The following AFAP1L1 variants were observed in gnomAD, a reference collection of about 807,000 sequenced individuals.
AFAP1L1 encodes actin filament-associated protein 1-like 1.
In AFAP1L1, 77 loss-of-function variants were observed where a neutral mutation model predicts 99.8. The ratio of observed to expected loss-of-function variants is 0.77; its 90% CI spans 0.64 to 0.93. AFAP1L1 has a LOEUF of 0.93. Ranked by LOEUF, AFAP1L1 falls within the 40% of genes least tolerant of loss-of-function variation. AFAP1L1 has a pLI of 0.00. For synonymous variants in AFAP1L1, 373 were observed against 395.3 expected (o/e 0.94, Z 0.67); for missense variants, 893 against 996.8 (o/e 0.90, Z 1.40).
chr5:149,312,862 C>G (rs1756679758), intron 9 of AFAP1L1, among the ~76,000 whole-genome samples: 1 of 149,492 alleles, frequency 6.7e-6, no homozygotes, highest in Non-Finnish European at 1.5e-5. Context: ...CGCAGTGGCT[C>G]ACGCCTGTAA....
intron 3 of AFAP1L1, 68 bp downstream of exon 3, chr5:149,300,422 C>G: frequency 1.4e-6 from 2 of 1,413,720 alleles, no homozygotes; most frequent in Non-Finnish European, 2.0e-6. Context: ...AGAAGGGTCC[C>G]CCGACTGGGC....
intron 1 of AFAP1L1, 135 bp from the exon 2 acceptor site, chr5:149,299,374 C>T: frequency 8.4e-7 from 1 of 1,186,252 alleles, no homozygotes. Flanking sequence ...CAGCTGAGAG[C>T]CCCCAGGTCC....
At chr5:149,306,721 G>A (rs780835501) in intron 6 of AFAP1L1, among the ~76,000 whole-genome samples, 4 of 152,176 alleles carry the variant, frequency 2.6e-5, no homozygotes, top group East Asian at 1.9e-4. Context: ...TGAAAATAAC[G>A]AGAGACAACA....
chr5:149,335,008 G>T (rs1757363284), intron 17 of AFAP1L1, among the ~76,000 whole-genome samples: 1 of 152,136 alleles, frequency 6.6e-6, no homozygotes, highest in South Asian at 2.1e-4. Context: ...CCTATAAAAT[G>T]GAATGACTAA....
At position 149,315,816 on chromosome 5, in the gene AFAP1L1, C is replaced by T. The variant is rs1430960112; in HGVS notation, c.1021-5C>T. 6.2e-7 allele frequency: 1 copy of T among 1,613,730 alleles called. No homozygotes were observed. The highest frequency in any genetic ancestry group is 1.1e-5 in the South Asian group (1 of 91,052). ...TGATGAGGGACTGCCTGTGTCCCTC[C>T]TCAGAGGCTGTCCCAAGAGAAGCAG... On this transcript the variant is annotated splice_region_variant and splice_polypyrimidine_tract_variant and intron_variant, in intron 9 of 18. Transcript: ENST00000296721.
At position 149,332,845 on chromosome 5, in the gene AFAP1L1, T is replaced by C; in HGVS notation, c.2126T>C (p.Leu709Pro). ...QSLAGGPALG[L>P]SVSSKPKSGE... ...CTGGCAGGAGGGCCAGCCCTGGGGC[T>C]CTCCGTGAGCAGCAAGCCCAAGAGT... The change falls in exon 17 of 19, where the codon CTC becomes CCC. Residue 709 changes from leucine to proline, a missense_variant. Physicochemically the swap from Leu to Pro is moderately conservative, Grantham distance 98 (BLOSUM62 -3). Transcript: ENST00000296721. 1 of 1,607,074 alleles carries C rather than the reference T, an allele frequency of 6.2e-7. No homozygotes were observed. Among genetic ancestry groups the C allele is most frequent in the South Asian group, 1.1e-5 (1 of 90,302 alleles).
chr5:149,314,388 G>A lies in AFAP1L1; in HGVS notation c.1021-1433G>A, dbSNP rs142863028. ...GCTTGCAGAGTTGAGCTTTCCTGTG[G>A]CTGAGCATCCACAGGGAGGGTAACT... On this transcript the variant is annotated intron_variant, in intron 9 of 18. Transcript: ENST00000296721. 1.5e-3 allele frequency among the ~76,000 whole-genome samples: 224 copies of A among 152,324 alleles called. 1 individual carries two copies. Among genetic ancestry groups the A allele is most frequent in the African/African-American group, 5.2e-3 (216 of 41,568 alleles).
intron 17 of AFAP1L1, 90 bp downstream of exon 17, chr5:149,332,963 T>C (rs1757300373): frequency 7.7e-6 from 11 of 1,421,528 alleles, no homozygotes; most frequent in Non-Finnish European, 1.0e-5. Context: ...TCTTTGGAGG[T>C]AGGGGTTATG....
intron 17 of AFAP1L1, among the ~76,000 whole-genome samples, chr5:149,333,423 TC>T (rs1757313478): frequency 6.6e-6 from 1 of 152,160 alleles, no homozygotes; most frequent in South Asian, 2.1e-4. Context: ...AAACCCTGTC[TC>T]TACAAAAAAT....
intron 7 of AFAP1L1, 130 bp from the exon 8 acceptor site, chr5:149,309,826 G>A (rs1275461069): frequency 1.8e-6 from 2 of 1,125,392 alleles, no homozygotes; most frequent in Admixed American, 2.1e-5. Flanking sequence ...CTCACACAGT[G>A]CCCATGGCTA....
chr5:149,320,511 A>G lies in AFAP1L1; in HGVS notation c.1698+48A>G. 1 of 1,540,052 alleles carries G rather than the reference A, an allele frequency of 6.5e-7. No individual in the cohort carries two copies. The highest frequency in any genetic ancestry group is 1.1e-5 in the South Asian group (1 of 89,544). ...AGGAATGTGGCAAAGGCCACTTATT[A>G]GCTCTCCCTCTTTCTGCTCCCTTTA... On this transcript the variant is annotated intron_variant, in intron 14 of 18. Transcript: ENST00000296721. This position sits in a 1 kb window ranked among gnomAD's most constrained non-coding sequence, Gnocchi z 4.0.
rs1756793283 is a variant in AFAP1L1 at position 149,316,249 on chromosome 5, A to T, written c.1213A>T (p.Thr405Ser). 1.2e-6 allele frequency: 2 copies of T among 1,613,930 alleles called. No individual in the cohort carries two copies. The highest frequency in any genetic ancestry group is 1.3e-5 in the African/African-American group (1 of 74,906). Residue 405 changes from threonine to serine, a missense_variant, in exon 11 of 19, where the codon ACA becomes TCA. Coordinates refer to ENST00000296721, the MANE Select transcript of AFAP1L1 (RefSeq NM_152406.4). Reference protein sequence around the residue: ...TRIIGFSKKKTLADDLQTSST... With the variant: ...TRIIGFSKKKSLADDLQTSST... ...TATCATTGGCTTCTCCAAGAAGAAG[A>T]CACTGGCCGATGACCTGCAGACGTC...
chr5:149,300,675 C>T (rs949836289), intron 3 of AFAP1L1, among the ~76,000 whole-genome samples: 6 of 152,232 alleles, frequency 3.9e-5, no homozygotes, highest in Non-Finnish European at 8.8e-5. Flanking sequence ...TGCAGTGGCT[C>T]AGCAGAAATG....
At chr5:149,322,772 C>A in intron 15 of AFAP1L1, 55 bp downstream of exon 15, 1 of 1,402,586 alleles carries the variant, frequency 7.1e-7, no homozygotes, top group Non-Finnish European at 9.7e-7. Context: ...AGGAAGCAGT[C>A]TATAGGAGGG....
At chr5:149,288,929 C>T (rs1366777452) in intron 1 of AFAP1L1, among the ~76,000 whole-genome samples, 2 of 152,166 alleles carry the variant, frequency 1.3e-5, no homozygotes, top group Non-Finnish European at 2.9e-5. Context: ...TAGCCTGACT[C>T]CTGGGAAGAG....
intron 12 of AFAP1L1, 57 bp from the exon 13 acceptor site, chr5:149,319,525 T>A: frequency 6.5e-7 from 1 of 1,540,974 alleles, no homozygotes; most frequent in Middle Eastern, 1.8e-4. Flanking sequence ...AGTCAACAGG[T>A]CTCCAGGAGC....
At chr5:149,272,112 G>A (rs1755133105) in intron 1 of AFAP1L1, 128 bp downstream of exon 1, 1 of 985,528 alleles carries the variant, frequency 1.0e-6, no homozygotes. Context: ...ACGCTCGGAG[G>A]GGACTGGGAG....
chr5:149,314,027 G>A (rs905224406), intron 9 of AFAP1L1, among the ~76,000 whole-genome samples: 5 of 152,220 alleles, frequency 3.3e-5, no homozygotes, highest in South Asian at 4.1e-4. Flanking sequence ...CACGCTGGCT[G>A]GAGGGGCAAG....
chr5:149,333,106 A>T (rs1279774070), intron 17 of AFAP1L1, among the ~76,000 whole-genome samples: 2 of 152,216 alleles, frequency 1.3e-5, no homozygotes, highest in Non-Finnish European at 2.9e-5. Flanking sequence ...CAGCAGCACC[A>T]TTTGACTTTT....
Sources: gnomAD v4.1 joint callset for allele counts (sites outside exome capture counted in the v4.1 genomes callset) on GRCh38, gnomAD v4.1.1 for gene constraint, Gnocchi (gnomAD v3.1) non-coding constraint, MANE v1.5 for transcripts, NCBI Gene and HGNC (gene_info 2026-07-23, HGNC 2026-07-21) for gene names.